TYW1B: variants seen among roughly 807,000 people sequenced by gnomAD.
TYW1B encodes tRNA-yW synthesizing protein 1 homolog B, also known as S-adenosyl-L-methionine-dependent tRNA 4-demethylwyosine synthase TYW1B.
A neutral mutation model predicts 86.9 loss-of-function variants in TYW1B; 73 were observed. The observed-to-expected ratio is 0.84, with a 90% CI of 0.70 to 1.02. TYW1B has a LOEUF of 1.02. Ranked by LOEUF, TYW1B falls within the 50% of genes least tolerant of loss-of-function variation. TYW1B has a pLI of 0.00. For synonymous variants in TYW1B, 248 were observed against 292.8 expected, an observed-to-expected ratio of 0.85 and a Z score of 1.56; for missense variants, 637 against 827.4, an observed-to-expected ratio of 0.77 and a Z score of 2.82.
intron 6 of TYW1B, among the ~76,000 whole-genome samples, chr7:72,794,732 AAG>A (rs1263049077): frequency 1.3e-5 from 2 of 152,118 alleles, no homozygotes; most frequent in Non-Finnish European, 2.9e-5. Context: ...ATTCCCTGGA[AAG>A]AGAGTCAACT....
chr7:72,575,491 G>A lies in TYW1B; in HGVS notation c.*7C>T. ...TTTGTCCTTCAGTACCTTGAAATCA[G>A]ATAATCTCAACATCCAGAAATAGCC... On this transcript the variant is annotated 3_prime_UTR_variant, in exon 14 of 14. Coordinates refer to ENST00000620995, the MANE Select transcript of TYW1B (RefSeq NM_001145440.3). 1.3e-6 allele frequency: 2 copies of A among 1,593,322 alleles called. No homozygotes were observed. The highest frequency in any genetic ancestry group is 1.7e-6 in the Non-Finnish European group (2 of 1,172,752).
At chr7:72,763,429 CCCA>C (rs1345116649) in intron 7 of TYW1B, among the ~76,000 whole-genome samples, 1 of 151,322 alleles carries the variant, frequency 6.6e-6, no homozygotes, top group African/African-American at 2.4e-5. Flanking sequence ...ATTACAGGCG[CCCA>C]CCACCACACT....
chr7:72,789,132 G>A (rs1184041176), intron 6 of TYW1B, among the ~76,000 whole-genome samples: 2 of 151,440 alleles, frequency 1.3e-5, no homozygotes, highest in South Asian at 4.2e-4. Flanking sequence ...AGCCCGGCCT[G>A]GTGCAGACGT....
intron 6 of TYW1B, among the ~76,000 whole-genome samples, chr7:72,787,355 C>T (rs1554472636): frequency 2.0e-5 from 3 of 151,810 alleles, no homozygotes; most frequent in Non-Finnish European, 2.9e-5. Context: ...CCTAGCTACT[C>T]GGGAGGCTGG....
At chr7:72,816,482 G>T (rs1271299943) in intron 2 of TYW1B, among the ~76,000 whole-genome samples, 1 of 152,160 alleles carries the variant, frequency 6.6e-6, no homozygotes, top group Non-Finnish European at 1.5e-5. Context: ...GAGTTCACAG[G>T]GCTGTCAGAA....
intron 13 of TYW1B, among the ~76,000 whole-genome samples, chr7:72,590,667 C>CAAACA (rs1182391790): frequency 7.2e-5 from 11 of 152,210 alleles, no homozygotes; most frequent in Non-Finnish European, 1.6e-4. Flanking sequence ...CTTCAATAAT[C>CAAACA]AAACAAAACA....
intron 12 of TYW1B, among the ~76,000 whole-genome samples, chr7:72,619,519 T>C (rs1215176874): frequency 6.6e-6 from 1 of 151,468 alleles, no homozygotes; most frequent in Non-Finnish European, 1.5e-5. Flanking sequence ...CGGGCGCCTG[T>C]AGTCCCAGCT....
chr7:72,752,059 G>A lies in TYW1B; in HGVS notation c.965-7458C>T, dbSNP rs144565420. Among the ~76,000 whole-genome samples, 353 of 152,356 alleles carry A rather than the reference G, an allele frequency of 2.3e-3. 1 individual carries two copies. The highest frequency in any genetic ancestry group is 4.2e-3 in the Non-Finnish European group (286 of 68,036). ...CTGGCAGCCCCAGTATCTCTGGGTAGAGAGGGAAGTCTCAGACCCACAAGG... is the reference window on the plus strand; with the variant it reads ...CTGGCAGCCCCAGTATCTCTGGGTAAAGAGGGAAGTCTCAGACCCACAAGG... On this transcript the variant is annotated intron_variant, in intron 7 of 13. Coordinates refer to ENST00000620995, the MANE Select transcript of TYW1B (RefSeq NM_001145440.3).
intron 8 of TYW1B, among the ~76,000 whole-genome samples, chr7:72,743,575 G>A (rs1554462862): frequency 2.0e-5 from 3 of 152,096 alleles, no homozygotes; most frequent in Admixed American, 2.0e-4. Flanking sequence ...TGGGTGCAGT[G>A]GCTCACACCT....
At chr7:72,596,685 G>A (rs1811540188) in intron 13 of TYW1B, among the ~76,000 whole-genome samples, 1 of 152,068 alleles carries the variant, frequency 6.6e-6, no homozygotes, top group African/African-American at 2.4e-5. Context: ...CTCTTAGAAG[G>A]AAACATATGG....
chr7:72,642,015 A>G (rs1438536227), intron 11 of TYW1B, among the ~76,000 whole-genome samples: 3 of 152,232 alleles, frequency 2.0e-5, no homozygotes. Context: ...TGGTACCACC[A>G]TAAGGATAAA....
At chr7:72,827,522 C>A (rs1489238830) in intron 1 of TYW1B, among the ~76,000 whole-genome samples, 1 of 152,122 alleles carries the variant, frequency 6.6e-6, no homozygotes, top group African/African-American at 2.4e-5. Flanking sequence ...AAAACTGTAT[C>A]TTCACTTCGA....
At chr7:72,714,300 G>A (rs1443781275) in intron 9 of TYW1B, among the ~76,000 whole-genome samples, 1 of 151,928 alleles carries the variant, frequency 6.6e-6, no homozygotes, top group Non-Finnish European at 1.5e-5. Context: ...CTTCATACTG[G>A]AATCACCTGA....
chr7:72,658,330 TA>T (rs1373086739), intron 11 of TYW1B, among the ~76,000 whole-genome samples: 1 of 149,868 alleles, frequency 6.7e-6, no homozygotes, highest in Non-Finnish European at 1.5e-5. Context: ...AACACTGAGG[TA>T]AAACTGCTTG....
intron 13 of TYW1B, among the ~76,000 whole-genome samples, chr7:72,596,615 T>C (rs6960984): frequency 0.15 from 23,502 of 151,966 alleles, 2,475 homozygotes; most frequent in East Asian, 0.56. Flanking sequence ...TCTAACACCA[T>C]ATGCAAAAAT....
intron 11 of TYW1B, among the ~76,000 whole-genome samples, chr7:72,664,529 T>G (rs1453294242): frequency 6.6e-6 from 1 of 152,052 alleles, no homozygotes; most frequent in African/African-American, 2.4e-5. Context: ...ATGCTCTCAC[T>G]TATAAGTGGG....
intron 13 of TYW1B, among the ~76,000 whole-genome samples, chr7:72,606,309 C>T (rs1374262542): frequency 1.3e-5 from 2 of 152,138 alleles, no homozygotes; most frequent in Non-Finnish European, 2.9e-5. Context: ...ATGAGAAAAA[C>T]GGGCCTCATT....
rs530596657 is a variant in TYW1B, at chr7:72,694,690, G to A, written c.1503C>T (p.Val501=). The A allele has an allele frequency of 2.7e-5, 44 of 1,604,352 alleles. No homozygotes were observed. In the East Asian group the frequency reaches 9.1e-4, roughly 33 times the overall value. Reference sequence around the variant, plus strand: ...TTTAAGATGTCATAATTCTTACCTTGACTGCCAAGGCTTTTAAACTGTCAA... The same window carrying A: ...TTTAAGATGTCATAATTCTTACCTTAACTGCCAAGGCTTTTAAACTGTCAA... ...QFLDSLKALA[V]KQQRTVYRLM... The change falls in exon 11 of 14, where the codon GTC becomes GTT. Residue 501 remains valine, a synonymous_variant. Coordinates refer to ENST00000620995, the MANE Select transcript of TYW1B (RefSeq NM_001145440.3).
intron 13 of TYW1B, among the ~76,000 whole-genome samples, chr7:72,609,913 T>TTG: frequency 2.0e-5 from 3 of 152,186 alleles, no homozygotes; most frequent in Non-Finnish European, 4.4e-5. Flanking sequence ...GGTTTCTGTA[T>TTG]TATTTCCTCA....
Sources: allele counts gnomAD v4.1 joint callset (sites outside exome capture counted in the v4.1 genomes callset), GRCh38; gene constraint gnomAD v4.1.1; transcripts MANE v1.5; gene names NCBI Gene and HGNC (gene_info 2026-07-23, HGNC 2026-07-21).